ZYG11B: variants seen among roughly 807,000 people sequenced by gnomAD.
The protein encoded by ZYG11B is protein zyg-11 homolog B.
In ZYG11B, 36 loss-of-function variants were observed where a neutral mutation model predicts 82.4. The observed-to-expected ratio is 0.44, with a 90% confidence interval of 0.33 to 0.58. The LOEUF is 0.58. Among genes scored for constraint, ZYG11B ranks in the 20% least tolerant of loss-of-function variants. ZYG11B has a pLI of 0.02. For missense variants in ZYG11B, 552 were observed against 895.6 expected, an observed-to-expected ratio of 0.62 and a Z score of 4.90; for synonymous variants, 303 against 312.8, an observed-to-expected ratio of 0.97 and a Z score of 0.33.
intron 13 of ZYG11B, among the ~76,000 whole-genome samples, chr1:52,818,215 A>G (rs1007345792): frequency 6.6e-6 from 1 of 152,098 alleles, no homozygotes; most frequent in Non-Finnish European, 1.5e-5. Context: ...GCTCATCCCT[A>G]TAATCCCAGC....
At chr1:52,797,325 T>C (rs1256848812) in intron 8 of ZYG11B, among the ~76,000 whole-genome samples, 15 of 84,584 alleles carry the variant, frequency 1.8e-4, no homozygotes, top group African/African-American at 6.5e-4. Context: ...ATATAATATA[T>C]ATATTATATA....
chr1:52,813,628 G>A lies in ZYG11B; in HGVS notation c.1788G>A (p.Val596=), dbSNP rs1645201538. The part of the protein sequence containing the change: ...HISSLLHSVE[V]EVSYFAAGII... ...GTAGTCTCCTACACAGTGTGGAAGT[G>A]GAAGTCAGTTACTTTGCAGCTGGAA... Residue 596 remains valine (V), a synonymous_variant, in exon 11 of 14, where the codon GTG becomes GTA. Coordinates refer to ENST00000294353, the MANE Select transcript of ZYG11B (RefSeq NM_024646.3). 2 of 1,614,026 alleles carry A rather than the reference G, an allele frequency of 1.2e-6. No individual in the cohort carries two copies. The highest frequency in any genetic ancestry group is 2.2e-5 in the East Asian group (1 of 44,870).
At chr1:52,802,071 G>A in intron 9 of ZYG11B, 21 bp from the exon 10 acceptor site, 1 of 1,593,754 alleles carries the variant, frequency 6.3e-7, no homozygotes, top group East Asian at 2.2e-5. Context: ...GGTAATTATA[G>A]GTTTCTTTTT....
Position 52,796,381 on chromosome 1 carries a change from T to C in ZYG11B, c.1424T>C (p.Leu475Pro). ...QRMAVAIISI[L>P]AAKLSTEQTA... is the part of the protein sequence containing the mutation. ...ATGGCAGTTGCTATCATTTCTATCC[T>C]GGCTGCCAAGGTACCTGAACTCTTG... The change falls in exon 7 of 14, where the codon CTG becomes CCG. Residue 475 changes from leucine (L) to proline (P), a missense_variant. Leu to Pro is a moderately conservative substitution (Grantham distance 98, BLOSUM62 -3). This residue lies in a region of ZYG11B where 66 missense variants were observed against 176.4 expected (regional missense o/e 0.37). Transcript: ENST00000294353. 1 of 1,613,438 alleles carries C rather than the reference T, an allele frequency of 6.2e-7. No individual in the cohort carries two copies. The highest frequency in any genetic ancestry group is 8.5e-7 in the Non-Finnish European group (1 of 1,179,574).
chr1:52,777,374 A>G (rs1454682276), intron 3 of ZYG11B, among the ~76,000 whole-genome samples: 1 of 152,154 alleles, frequency 6.6e-6, no homozygotes, highest in Non-Finnish European at 1.5e-5. Flanking sequence ...ATATCCTATT[A>G]ATGGTTGAAA....
intron 8 of ZYG11B, among the ~76,000 whole-genome samples, chr1:52,800,411 A>G (rs1332609681): frequency 6.6e-6 from 1 of 152,190 alleles, no homozygotes; most frequent in African/African-American, 2.4e-5. Flanking sequence ...ACAGTTTTAA[A>G]AAATGACTTC....
rs927247452 is a variant in ZYG11B, at chr1:52,826,123, A to C, written c.*4494A>C. Reference sequence around the variant, plus strand: ...GTAGTGGTATAAACAGTATTATTAAACTGAAGGCATAAGTTAAAGGAAGTA... The same window carrying C: ...GTAGTGGTATAAACAGTATTATTAACCTGAAGGCATAAGTTAAAGGAAGTA... On this transcript the variant is annotated 3_prime_UTR_variant, in exon 14 of 14. Transcript: ENST00000294353. The C allele has an allele frequency of 6.6e-6, 1 of 152,164 alleles. No individual in the cohort carries two copies. Among genetic ancestry groups the C allele is most frequent in the African/African-American group, 2.4e-5 (1 of 41,430 alleles). 9.4% of individuals were successfully genotyped at this position (152,164 alleles called of 1,614,324 possible). A position where few individuals can be genotyped will look rare whatever the true frequency, so the allele number is the denominator to read the frequency against.
intron 1 of ZYG11B, among the ~76,000 whole-genome samples, chr1:52,742,104 C>G (rs1644435659): frequency 6.6e-6 from 1 of 152,174 alleles, no homozygotes; most frequent in African/African-American, 2.4e-5. Context: ...CCCTTGTGTT[C>G]TGTTACAGGA....
chr1:52,812,927 A>T (rs1370127102), intron 10 of ZYG11B, among the ~76,000 whole-genome samples: 1 of 152,000 alleles, frequency 6.6e-6, no homozygotes, highest in African/African-American at 2.4e-5. Context: ...GGCTTTCTCC[A>T]TGTTGGCCAG....
At chr1:52,807,059 G>A (rs771899961) in intron 10 of ZYG11B, among the ~76,000 whole-genome samples, 1 of 151,914 alleles carries the variant, frequency 6.6e-6, no homozygotes, top group African/African-American at 2.4e-5. Flanking sequence ...AGTAGAGATG[G>A]GGTTTTGCCA....
intron 2 of ZYG11B, among the ~76,000 whole-genome samples, chr1:52,770,087 TA>T (rs1452948054): frequency 0.022 from 1,641 of 76,272 alleles, 44 homozygotes; most frequent in African/African-American, 0.056. Flanking sequence ...TATATATATA[TA>T]TATATTTTTT....
chr1:52,803,205 CACACACATATATAT>C (rs1558140436), intron 10 of ZYG11B, among the ~76,000 whole-genome samples: 15 of 45,588 alleles, frequency 3.3e-4, no homozygotes, highest in African/African-American at 1.5e-3. Flanking sequence ...TATATATATA[CACACACATATATAT>C]ATATACACAC....
intron 1 of ZYG11B, among the ~76,000 whole-genome samples, chr1:52,751,962 G>T (rs1384483411): frequency 6.7e-6 from 1 of 150,236 alleles, no homozygotes; most frequent in African/African-American, 2.5e-5. Flanking sequence ...GACCAGATGT[G>T]TGGTTTTTTT....
At chr1:52,783,187 A>G (rs1030769311) in intron 4 of ZYG11B, among the ~76,000 whole-genome samples, 3 of 152,102 alleles carry the variant, frequency 2.0e-5, no homozygotes, top group Non-Finnish European at 4.4e-5. Flanking sequence ...TCGGCCTCCC[A>G]AAGTGCTGGG....
chr1:52,807,530 C>T lies in ZYG11B; in HGVS notation c.1695+5391C>T, dbSNP rs929864728. On this transcript the variant is annotated intron_variant, in intron 10 of 13. Coordinates refer to ENST00000294353, the MANE Select transcript of ZYG11B (RefSeq NM_024646.3). ...TTTTTGAGACAGGTTCTCACTCTGT[C>T]ACCCAGGCTGGAGTACAGTGGCATG... Among the ~76,000 whole-genome samples the T allele has an allele frequency of 1.4e-4, 19 of 140,534 alleles. No individual in the cohort carries two copies. The Admixed American group carries it at 1.4e-3, about 11-fold the overall frequency. 92.2% of individuals were successfully genotyped at this position (140,534 alleles called of 152,430 possible).
chr1:52,816,468 A>T, intron 12 of ZYG11B, 64 bp from the exon 13 acceptor site: 2 of 1,132,850 alleles, frequency 1.8e-6, no homozygotes, highest in Non-Finnish European at 2.6e-6. Flanking sequence ...TTTAGGAATC[A>T]CTGCTTTAGG....
chr1:52,813,837 C>G (rs1645202979), intron 11 of ZYG11B, 23 bp from the exon 12 acceptor site: 6 of 1,613,854 alleles, frequency 3.7e-6, no homozygotes, highest in Non-Finnish European at 5.1e-6. Context: ...GTAATCCTTT[C>G]TTGTGTGTCT....
intron 4 of ZYG11B, 143 bp from the exon 5 acceptor site, chr1:52,784,734 A>G (rs1017718754): frequency 2.6e-5 from 22 of 851,084 alleles, no homozygotes; most frequent in Middle Eastern, 3.0e-4. Context: ...AGTAACTGCT[A>G]TATCCTAGGC....
At chr1:52,796,996 T>G (rs1338972690) in intron 8 of ZYG11B, among the ~76,000 whole-genome samples, 1 of 98,022 alleles carries the variant, frequency 1.0e-5, no homozygotes, top group Non-Finnish European at 1.8e-5. Flanking sequence ...ATTTTTTATA[T>G]AAATATATTA....
Sources: allele counts gnomAD v4.1 joint callset (sites outside exome capture counted in the v4.1 genomes callset), GRCh38; gene constraint gnomAD v4.1.1; regional missense constraint gnomAD v4.1.1; transcripts MANE v1.5; gene names NCBI Gene and HGNC (gene_info 2026-07-23, HGNC 2026-07-21).